GRM7: variants seen among roughly 807,000 people sequenced by gnomAD.
The protein encoded by GRM7 is glutamate metabotropic receptor 7, also known as metabotropic glutamate receptor 7.
In GRM7, 35 loss-of-function variants were observed where a neutral mutation model predicts 84.5. That is an observed-to-expected ratio of 0.41 (90% CI 0.32 to 0.55). The LOEUF is 0.55. GRM7 is among the 20% of genes least tolerant of loss of function. The probability of loss-of-function intolerance (pLI) is 0.19; values close to 1 mark genes in which losing one functional copy is unlikely to be tolerated. For missense variants in GRM7, 1,003 were observed against 1,194.6 expected (o/e 0.84, Z 2.36); for synonymous variants, 487 against 455.1 (o/e 1.07, Z -0.89).
intron 1 of GRM7, among the ~76,000 whole-genome samples, chr3:7,135,232 A>G (rs1226701688): frequency 6.6e-6 from 1 of 152,198 alleles, no homozygotes; most frequent in African/African-American, 2.4e-5. Flanking sequence ...TGATATCTAG[A>G]AAGGAGATAA....
intron 2 of GRM7, among the ~76,000 whole-genome samples, chr3:7,232,510 T>A (rs187028816): frequency 6.6e-6 from 1 of 152,120 alleles, no homozygotes; most frequent in Admixed American, 6.6e-5. Context: ...GATGATAGGA[T>A]GAGAAATGTG....
chr3:7,463,905 G>C (rs887386344), intron 7 of GRM7, among the ~76,000 whole-genome samples: 2 of 152,206 alleles, frequency 1.3e-5, no homozygotes, highest in African/African-American at 4.8e-5. Flanking sequence ...GGCTGCATCA[G>C]ATTTAGGAAT....
chr3:7,026,839 T>C (rs1696000942), intron 1 of GRM7, among the ~76,000 whole-genome samples: 1 of 152,248 alleles, frequency 6.6e-6, no homozygotes, highest in African/African-American at 2.4e-5. Context: ...GCAGTAATTC[T>C]GGACTGAATT....
chr3:7,545,755 A>G (rs1202131922), intron 7 of GRM7, among the ~76,000 whole-genome samples: 1 of 152,104 alleles, frequency 6.6e-6, no homozygotes, highest in South Asian at 2.1e-4. Context: ...GAAAGGTTCT[A>G]TTTCCTGATC....
At chr3:7,320,092 A>AT (rs889455369) in intron 4 of GRM7, among the ~76,000 whole-genome samples, 1 of 151,786 alleles carries the variant, frequency 6.6e-6, no homozygotes, top group African/African-American at 2.4e-5. Context: ...CAGTAAATAC[A>AT]TTTTTTTCTA....
intron 4 of GRM7, among the ~76,000 whole-genome samples, chr3:7,332,631 G>A (rs551200636): frequency 1.8e-4 from 27 of 152,268 alleles, no homozygotes; most frequent in African/African-American, 5.8e-4. Flanking sequence ...GGAGTAACAT[G>A]CAGCTCCCAC....
At chr3:7,534,751 G>A (rs1266913440) in intron 7 of GRM7, among the ~76,000 whole-genome samples, 1 of 152,128 alleles carries the variant, frequency 6.6e-6, no homozygotes, top group East Asian at 1.9e-4. Context: ...ATATCTAGTT[G>A]TTGGCAATAT....
rs1254977189 is a variant in GRM7, at chr3:6,862,687, G to GCTAACTA, written c.519+781_519+782insTAACTAC. ...GACCTCAGCCCAGGGATGAGCTCACGCGAAACGAAATCGCTCTCCCTGCCT... is the reference window on the plus strand; with the variant it reads ...GACCTCAGCCCAGGGATGAGCTCACGCTAACTACGAAACGAAATCGCTCTCCCTGCCT... On this transcript the variant is annotated intron_variant, in intron 1 of 9. Coordinates refer to ENST00000357716, the MANE Select transcript of GRM7 (RefSeq NM_000844.4). The surrounding 1 kb of genome is among the most constrained non-coding windows in gnomAD (Gnocchi z 5.2). The GCTAACTA allele has an allele frequency of 7.9e-5, 11 of 139,996 alleles. No homozygotes were observed. Among genetic ancestry groups the GCTAACTA allele is most frequent in the African/African-American group, 5.6e-4 (2 of 3,564 alleles). The allele number at this position is 139,996 out of a possible 1,614,324, so 8.7% of individuals were successfully genotyped here. A position where few individuals can be genotyped will look rare whatever the true frequency, so the allele number is the denominator to read the frequency against.
intron 9 of GRM7, among the ~76,000 whole-genome samples, chr3:7,689,406 C>T (rs969939433): frequency 6.6e-6 from 1 of 152,160 alleles, no homozygotes; most frequent in Non-Finnish European, 1.5e-5. Context: ...ACTTAAAATT[C>T]ACTTTGAAAC....
At chr3:7,378,454 A>G (rs1694450467) in intron 4 of GRM7, among the ~76,000 whole-genome samples, 1 of 152,220 alleles carries the variant, frequency 6.6e-6, no homozygotes, top group African/African-American at 2.4e-5. Flanking sequence ...ATTTTCTACC[A>G]CTTGAAAGAA....
At position 7,364,027 on chromosome 3, in the gene GRM7, T is replaced by A. The variant is rs116276232; in HGVS notation, c.1034-50996T>A. ...TTGGGTGCTATGTATATTATGGGTA[T>A]ATCCTGTAAACTGTGCCACTTCTTT... On this transcript the variant is annotated intron_variant, in intron 4 of 9. Transcript: ENST00000357716. Among the ~76,000 whole-genome samples, 931 of 152,208 alleles carry A rather than the reference T, an allele frequency of 6.1e-3. 6 individuals carry two copies. The highest frequency in any genetic ancestry group is 0.021 in the African/African-American group (878 of 41,568).
At chr3:7,079,448 G>C (rs915580609) in intron 1 of GRM7, among the ~76,000 whole-genome samples, 1 of 152,100 alleles carries the variant, frequency 6.6e-6, no homozygotes, top group Non-Finnish European at 1.5e-5. Context: ...CTTTTAAGTA[G>C]GTAGGAATGA....
chr3:7,725,903 A>AT (rs1244986796), intron 9 of GRM7, among the ~76,000 whole-genome samples: 1 of 152,200 alleles, frequency 6.6e-6, no homozygotes, highest in Non-Finnish European at 1.5e-5. Flanking sequence ...TGAAAAAAAA[A>AT]TTCCACTCCA....
chr3:7,586,886 C>T (rs1695544964), intron 8 of GRM7, among the ~76,000 whole-genome samples: 1 of 152,120 alleles, frequency 6.6e-6, no homozygotes, highest in Admixed American at 6.5e-5. Flanking sequence ...AGGCCCCAGA[C>T]ATAAAAGAAT....
intron 6 of GRM7, among the ~76,000 whole-genome samples, chr3:7,454,100 T>A (rs879425420): frequency 0.023 from 1,818 of 79,706 alleles, 27 homozygotes; most frequent in Admixed American, 0.057. Flanking sequence ...ACTCTCTCTC[T>A]CTCTCTCTCT....
At position 7,614,449 on chromosome 3, in the gene GRM7, TGGATTTACA is replaced by T. The variant is rs942805195; in HGVS notation, c.2451+35096_2451+35104del. Among the ~76,000 whole-genome samples the T allele has an allele frequency of 5.3e-5, 8 of 152,246 alleles. No individual in the cohort carries two copies. The South Asian group carries it at 1.0e-3, about 20-fold the overall frequency. ...CTTCAATCTTGGCCCATTCCTCAAA[TGGATTTACA>T]GGAAATGGCCAAGTTCAAGAAGAAT... On this transcript the variant is annotated intron_variant, in intron 8 of 9. Coordinates refer to ENST00000357716, the MANE Select transcript of GRM7 (RefSeq NM_000844.4).
At chr3:7,432,735 T>C (rs1696882638) in intron 5 of GRM7, among the ~76,000 whole-genome samples, 2 of 152,138 alleles carry the variant, frequency 1.3e-5, no homozygotes, top group South Asian at 4.1e-4. Flanking sequence ...AAACGAAGGC[T>C]ATCAAAAATG....
intron 1 of GRM7, among the ~76,000 whole-genome samples, chr3:7,023,724 A>G (rs1338655774): frequency 6.6e-6 from 1 of 152,152 alleles, no homozygotes; most frequent in South Asian, 2.1e-4. Context: ...GTCATCACAC[A>G]GTGTTCTCCC....
intron 2 of GRM7, among the ~76,000 whole-genome samples, chr3:7,149,143 C>G (rs1694199959): frequency 1.3e-5 from 2 of 151,972 alleles, no homozygotes; most frequent in South Asian, 2.1e-4. Context: ...GATTTAGTTG[C>G]ATGAACTTAT....
Sources: gnomAD v4.1 joint callset for allele counts (sites outside exome capture counted in the v4.1 genomes callset) on GRCh38, gnomAD v4.1.1 for gene constraint, Gnocchi (gnomAD v3.1) non-coding constraint, MANE v1.5 for transcripts, NCBI Gene and HGNC (gene_info 2026-07-23, HGNC 2026-07-21) for gene names.